Variants in MNAT1 observed in about 807,000 individuals in gnomAD.
The protein encoded by MNAT1 is CDK-activating kinase assembly factor MAT1.
A neutral mutation model predicts 42.0 loss-of-function variants in MNAT1; 43 were observed. The ratio of observed to expected loss-of-function variants is 1.02; its 90% CI spans 0.80 to 1.32. MNAT1 has a LOEUF of 1.32. Ranked by LOEUF, MNAT1 falls within the 40% of genes most tolerant of loss-of-function variation. The probability of loss-of-function intolerance (pLI) is 0.00; values close to 1 mark genes in which losing one functional copy is unlikely to be tolerated. For missense variants in MNAT1, 306 were observed against 350.4 expected, an observed-to-expected ratio of 0.87 and a Z score of 1.01; for synonymous variants, 118 against 120.0, an observed-to-expected ratio of 0.98 and a Z score of 0.11.
intron 7 of MNAT1, among the ~76,000 whole-genome samples, chr14:60,908,585 T>A (rs2035269837): frequency 6.6e-6 from 1 of 152,100 alleles, no homozygotes; most frequent in South Asian, 2.1e-4. Flanking sequence ...TGGTTTTTTG[T>A]CCTTGCGATA....
chr14:60,950,655 C>G (rs1039494862), intron 7 of MNAT1, among the ~76,000 whole-genome samples: 1 of 152,022 alleles, frequency 6.6e-6, no homozygotes, highest in Admixed American at 6.6e-5. Context: ...ATGTGTGGCC[C>G]GAGACAATTT....
chr14:60,830,428 G>GT lies in MNAT1; in HGVS notation c.687+11582dup, dbSNP rs570220043. ...ATAAGTTAAGGGACACTAAAATTTA[G>GT]TATTTGTAAATGTTGAAATAAATTT... On this transcript the variant is annotated intron_variant, in intron 6 of 7. Coordinates refer to ENST00000261245, the MANE Select transcript of MNAT1 (RefSeq NM_002431.4). Among the ~76,000 whole-genome samples, 59 of 152,248 alleles carry GT rather than the reference G, an allele frequency of 3.9e-4. No homozygotes were observed. In the South Asian group the frequency reaches 0.012, roughly 32 times the overall value.
intron 1 of MNAT1, among the ~76,000 whole-genome samples, chr14:60,778,081 A>G (rs112893789): frequency 5.9e-4 from 90 of 152,290 alleles, no homozygotes; most frequent in Admixed American, 4.8e-3. Context: ...CTGAGTCACT[A>G]TTCAGCCCAG....
At position 60,746,988 on chromosome 14, in the gene MNAT1, CT is replaced by C. The variant is rs1198228295; in HGVS notation, c.89+12052del. On this transcript the variant is annotated intron_variant, in intron 1 of 7. Transcript: ENST00000261245. ...CACACACACACACACAAAATTATGT[CT>C]TTTTTTTTTTTTTTGAGACAGAGTC... 6.6e-3 allele frequency among the ~76,000 whole-genome samples: 603 copies of C among 91,994 alleles called. 14 individuals carry two copies. The highest frequency in any genetic ancestry group is 0.022 in the African/African-American group (498 of 23,046). 60.4% of individuals were successfully genotyped at this position (91,994 alleles called of 152,430 possible).
intron 4 of MNAT1, chr14:60,809,099 A>C (rs982665928): frequency 6.6e-6 from 1 of 152,134 alleles, no homozygotes; most frequent in Non-Finnish European, 1.5e-5. Context: ...GTATGCATGC[A>C]AAGGAGCAAT....
intron 6 of MNAT1, among the ~76,000 whole-genome samples, chr14:60,869,042 T>A (rs1952401): frequency 0.3 from 22,967 of 77,778 alleles, 2,178 homozygotes; most frequent in South Asian, 0.37. Flanking sequence ...ATATATATAT[T>A]TTTTTTTTTT....
rs71114155 is a variant in MNAT1 at position 60,784,179 on chromosome 14, A to AT, written c.90-12014dup. 5.6e-4 allele frequency among the ~76,000 whole-genome samples: 30 copies of AT among 53,292 alleles called. 1 individual carries two copies. The highest frequency in any genetic ancestry group is 0.067 in the Middle Eastern group (2 of 30). The allele number at this position is 53,292 out of a possible 152,430, so 35.0% of individuals were successfully genotyped here. A position where few individuals can be genotyped will look rare whatever the true frequency, so the allele number is the denominator to read the frequency against. ...AGATACGTGCCACCATGCCTGGCTA[A>AT]TTTTTTTTTTTTTTTTTTTTTTTTA... On this transcript the variant is annotated intron_variant, in intron 1 of 7. Transcript: ENST00000261245.
intron 7 of MNAT1, among the ~76,000 whole-genome samples, chr14:60,902,636 T>C (rs1415257630): frequency 6.6e-6 from 1 of 152,112 alleles, no homozygotes; most frequent in Non-Finnish European, 1.5e-5. Context: ...CCCTATATAG[T>C]AATCAAACAC....
intron 7 of MNAT1, among the ~76,000 whole-genome samples, chr14:60,933,369 T>C (rs961593177): frequency 6.6e-6 from 1 of 152,136 alleles, no homozygotes; most frequent in Non-Finnish European, 1.5e-5. Flanking sequence ...TTCCTAATTA[T>C]TGAAATAAAA....
chr14:60,908,293 C>G (rs575374467), intron 7 of MNAT1, among the ~76,000 whole-genome samples: 162 of 152,052 alleles, frequency 1.1e-3, no homozygotes, highest in Non-Finnish European at 1.9e-3. Flanking sequence ...TCACTGTGTG[C>G]TTTTTCTGGA....
chr14:60,734,951 T>C lies in MNAT1; in HGVS notation c.89T>C (p.Leu30Pro). 1 of 1,614,132 alleles carries C rather than the reference T, an allele frequency of 6.2e-7. No individual in the cohort carries two copies. The highest frequency in any genetic ancestry group is 8.5e-7 in the Non-Finnish European group (1 of 1,179,988). ...ATGGTGAATGTGTGCGGACACACTC[T>C]GTGAGTTGGGCGGCAGTGGATTCCC... is the stretch of plus-strand genomic sequence containing the variant. ...KLMVNVCGHT[L>P]CESCVDLLFV... is the part of the protein sequence containing the mutation. The change falls in exon 1 of 8, where the codon CTC becomes CCC. Residue 30 changes from leucine to proline, a missense_variant and splice_region_variant. This residue lies in a region of MNAT1 where 72 missense variants were observed against 111.0 expected (regional missense o/e 0.65). Transcript: ENST00000261245. The surrounding 1 kb of genome is among the most constrained non-coding windows in gnomAD (Gnocchi z 4.3).
At chr14:60,789,546 G>A (rs1372463467) in intron 1 of MNAT1, among the ~76,000 whole-genome samples, 6 of 152,164 alleles carry the variant, frequency 3.9e-5, no homozygotes, top group Non-Finnish European at 7.4e-5. Flanking sequence ...AATGAGGCAT[G>A]CCTGTAATTG....
intron 7 of MNAT1, among the ~76,000 whole-genome samples, chr14:60,889,785 G>T (rs1414623671): frequency 6.6e-6 from 1 of 152,142 alleles, no homozygotes; most frequent in Non-Finnish European, 1.5e-5. Context: ...CAAAAAGTGG[G>T]CAAAGGATAT....
chr14:60,889,859 A>G (rs895214195), intron 7 of MNAT1, among the ~76,000 whole-genome samples: 3 of 152,254 alleles, frequency 2.0e-5, no homozygotes, highest in Non-Finnish European at 4.4e-5. Flanking sequence ...AATGCTCACC[A>G]TCACTGGTCA....
intron 6 of MNAT1, among the ~76,000 whole-genome samples, chr14:60,846,285 T>C (rs1193074537): frequency 6.6e-6 from 1 of 152,138 alleles, no homozygotes; most frequent in African/African-American, 2.4e-5. Flanking sequence ...TATTTCTTAT[T>C]TTGGTAGTTT....
chr14:60,909,948 ACCCATGAG>A (rs1229510329), intron 7 of MNAT1, among the ~76,000 whole-genome samples: 3 of 151,952 alleles, frequency 2.0e-5, no homozygotes, highest in Non-Finnish European at 4.4e-5. Flanking sequence ...GATTCTTCCT[ACCCATGAG>A]CATGGAATGT....
chr14:60,914,212 G>T (rs2035458888), intron 7 of MNAT1, among the ~76,000 whole-genome samples: 1 of 152,156 alleles, frequency 6.6e-6, no homozygotes, highest in Non-Finnish European at 1.5e-5. Context: ...AATTTTCCAG[G>T]TGCCGTCTGT....
chr14:60,768,919 A>G (rs2030942501), intron 1 of MNAT1, among the ~76,000 whole-genome samples: 1 of 152,220 alleles, frequency 6.6e-6, no homozygotes, highest in Non-Finnish European at 1.5e-5. Context: ...GCATTTTCAA[A>G]AAGTTACCCT....
intron 1 of MNAT1, among the ~76,000 whole-genome samples, chr14:60,758,607 C>A (rs1033738): frequency 0.99 from 147,691 of 149,516 alleles, 72,939 homozygotes; most frequent in Non-Finnish European, 1. Context: ...CAAAAAAAAA[C>A]CCCCAAATTC....
Sources: allele counts gnomAD v4.1 joint callset (sites outside exome capture counted in the v4.1 genomes callset), GRCh38; gene constraint gnomAD v4.1.1; regional missense constraint gnomAD v4.1.1; non-coding constraint Gnocchi (gnomAD v3.1); transcripts MANE v1.5; gene names NCBI Gene and HGNC (gene_info 2026-07-23, HGNC 2026-07-21).